Variants in PDE1A observed in about 807,000 individuals in gnomAD.
The protein encoded by PDE1A is dual specificity calcium/calmodulin-dependent 3',5'-cyclic nucleotide phosphodiesterase 1A.
Under a neutral mutation model 61.7 loss-of-function variants are expected in PDE1A, and 35 were observed. The observed-to-expected ratio is 0.57, with a 90% confidence interval of 0.43 to 0.75. PDE1A has a LOEUF of 0.75. Ranked by LOEUF, PDE1A falls within the 30% of genes least tolerant of loss-of-function variation. The pLI, the probability that PDE1A is intolerant of heterozygous loss-of-function variation, is 0.00. For missense variants in PDE1A, 597 were observed against 630.6 expected (o/e 0.95, Z 0.57); for synonymous variants, 232 against 213.2 (o/e 1.09, Z -0.77).
chr2:182,256,058 T>C (rs1279801368), intron 2 of PDE1A, among the ~76,000 whole-genome samples: 153 of 89,766 alleles, frequency 1.7e-3, no homozygotes, highest in African/African-American at 4.8e-3. Context: ...TTTTTTTTTT[T>C]CTTGTTTATT....
At chr2:182,524,042 A>G (rs1574856099), upstream of PDE1A, among the ~76,000 whole-genome samples, 2 of 152,336 alleles carry the variant, frequency 1.3e-5, no homozygotes, top group East Asian at 1.9e-4. Flanking sequence ...TAATGTCTTT[A>G]GCTAGCAGAC....
chr2:182,157,853 T>C (rs1169986424), intron 13 of PDE1A, among the ~76,000 whole-genome samples: 6 of 152,236 alleles, frequency 3.9e-5, no homozygotes, highest in Non-Finnish European at 8.8e-5. Context: ...TCTCATCTTT[T>C]AGCTTGAAGC....
chr2:182,234,779 T>C (rs2125662237), intron 3 of PDE1A, among the ~76,000 whole-genome samples: 1 of 152,348 alleles, frequency 6.6e-6, no homozygotes, highest in Admixed American at 6.5e-5. Flanking sequence ...TATTAAAAGA[T>C]GCACTACACT....
the PDE1A span, among the ~76,000 whole-genome samples, chr2:182,714,684 G>A: frequency 4.6e-5 from 7 of 151,872 alleles, no homozygotes; most frequent in African/African-American, 1.5e-4. Context: ...CTTGACTCCC[G>A]AGTAGCTGGG....
At chr2:182,212,639 C>A (rs1303250298) in intron 7 of PDE1A, among the ~76,000 whole-genome samples, 1 of 152,192 alleles carries the variant, frequency 6.6e-6, no homozygotes, top group Non-Finnish European at 1.5e-5. Flanking sequence ...CTTTCCGAGT[C>A]AAAGAAAGGG....
At chr2:182,517,868 C>A (rs1229870242) in intron 2 of PDE1A, among the ~76,000 whole-genome samples, 1 of 152,184 alleles carries the variant, frequency 6.6e-6, no homozygotes, top group African/African-American at 2.4e-5. Flanking sequence ...AGAAACTTCC[C>A]TACGCAACTC....
At chr2:182,447,351 A>G (rs896947946) in intron 2 of PDE1A, among the ~76,000 whole-genome samples, 2 of 151,974 alleles carry the variant, frequency 1.3e-5, no homozygotes, top group African/African-American at 4.8e-5. Flanking sequence ...GATTTTCCAG[A>G]CTGTAAACAC....
chr2:182,715,393 T>A, the PDE1A span, among the ~76,000 whole-genome samples: 3 of 152,230 alleles, frequency 2.0e-5, no homozygotes, highest in Non-Finnish European at 2.9e-5. Context: ...TCTTCTTTCC[T>A]ACCAAGTATT....
intron 11 of PDE1A, among the ~76,000 whole-genome samples, chr2:182,188,350 T>C (rs1375472741): frequency 6.6e-6 from 1 of 152,174 alleles, no homozygotes; most frequent in African/African-American, 2.4e-5. Flanking sequence ...GTGATCCTTG[T>C]GTTTATTGAT....
the PDE1A span, among the ~76,000 whole-genome samples, chr2:182,567,346 G>C: frequency 6.6e-6 from 1 of 152,160 alleles, no homozygotes; most frequent in Non-Finnish European, 1.5e-5. Context: ...TCTTCAGAAA[G>C]GGAAGAAGAT....
chr2:182,639,962 G>A, the PDE1A span, among the ~76,000 whole-genome samples: 1 of 135,122 alleles, frequency 7.4e-6, no homozygotes. Flanking sequence ...CAACAATATG[G>A]TCTATTCCTG....
intron 2 of PDE1A, among the ~76,000 whole-genome samples, chr2:182,459,470 T>G (rs1686134705): frequency 6.6e-6 from 1 of 152,186 alleles, no homozygotes; most frequent in Admixed American, 6.6e-5. Context: ...TTGAATTCAT[T>G]AACGCCTGTG....
intron 13 of PDE1A, among the ~76,000 whole-genome samples, chr2:182,181,104 A>T (rs1684721392): frequency 6.6e-6 from 1 of 151,860 alleles, no homozygotes; most frequent in African/African-American, 2.4e-5. Flanking sequence ...AATCTATCTC[A>T]TTCTCTGTCC....
chr2:182,644,021 T>C, the PDE1A span, among the ~76,000 whole-genome samples: 43 of 151,876 alleles, frequency 2.8e-4, no homozygotes, highest in East Asian at 8.0e-3. Flanking sequence ...TCCCTTTTTT[T>C]AATTCCCAGA....
Position 182,262,207 on chromosome 2 carries a change from CTTCT to C in PDE1A, c.167+2090_167+2093del, listed in dbSNP as rs1209147811. On this transcript the variant is annotated intron_variant, in intron 2 of 13. Coordinates refer to ENST00000351439, the Ensembl canonical transcript of PDE1A. ...TTTCCTTTTTCTTTTTTTCTCTTTC[CTTCT>C]TTCTTTCTTTTTCTTTCTCTCTTTC... is the stretch of plus-strand genomic sequence containing the variant. Among the ~76,000 whole-genome samples, 31 of 121,934 alleles carry C rather than the reference CTTCT, an allele frequency of 2.5e-4. No homozygotes were observed. In the South Asian group the frequency reaches 5.7e-3, roughly 22 times the overall value. 80.0% of individuals were successfully genotyped at this position (121,934 alleles called of 152,430 possible).
chr2:182,328,670 C>T (rs2124919578), intron 1 of PDE1A, among the ~76,000 whole-genome samples: 1 of 152,110 alleles, frequency 6.6e-6, no homozygotes, highest in South Asian at 2.1e-4. Context: ...AGAGGATGAC[C>T]ACGGGAGCAG....
intron 1 of PDE1A, among the ~76,000 whole-genome samples, chr2:182,334,115 G>C (rs962112396): frequency 6.6e-6 from 1 of 151,974 alleles, no homozygotes; most frequent in Admixed American, 6.6e-5. Context: ...AAAAACCCAG[G>C]ACCAGACAGA....
chr2:182,391,562 G>A (rs1321647270), intron 1 of PDE1A, among the ~76,000 whole-genome samples: 2 of 152,156 alleles, frequency 1.3e-5, no homozygotes, highest in East Asian at 1.9e-4. Flanking sequence ...TTTGTGAGGG[G>A]AGCACCTACA....
intron 2 of PDE1A, among the ~76,000 whole-genome samples, chr2:182,500,154 T>C (rs993780565): frequency 6.6e-6 from 1 of 152,122 alleles, no homozygotes; most frequent in African/African-American, 2.4e-5. Context: ...AAAGTAACAA[T>C]TAAAATGAGA....
Sources: allele counts gnomAD v4.1 joint callset (sites outside exome capture counted in the v4.1 genomes callset), GRCh38; gene constraint gnomAD v4.1.1; transcripts MANE v1.5; gene names NCBI Gene and HGNC (gene_info 2026-07-23, HGNC 2026-07-21).